Variants in SSBP2 observed in about 807,000 individuals in gnomAD.
SSBP2 encodes the protein single-stranded DNA-binding protein 2.
SSBP2 carries 17 observed loss-of-function variants against 61.8 expected under a neutral mutation model. The observed-to-expected ratio is 0.28, with a 90% CI of 0.19 to 0.41. The LOEUF (loss-of-function observed/expected upper bound fraction) is 0.41, where lower values mean the gene tolerates loss of function less well. SSBP2 is among the 10% of genes least tolerant of loss of function. The probability of loss-of-function intolerance (pLI) is 1.00; values close to 1 mark genes in which losing one functional copy is unlikely to be tolerated. For missense variants in SSBP2, 310 were observed against 458.7 expected, an observed-to-expected ratio of 0.68 and a Z score of 2.96; for synonymous variants, 139 against 141.3, an observed-to-expected ratio of 0.98 and a Z score of 0.12.
chr5:81,627,108 T>C (rs1399354659), intron 3 of SSBP2, among the ~76,000 whole-genome samples: 2 of 152,204 alleles, frequency 1.3e-5, no homozygotes, highest in African/African-American at 2.4e-5. Flanking sequence ...TATAGCGAAA[T>C]AAAAAGTTTT....
At chr5:81,721,082 G>A (rs1581417925) in intron 1 of SSBP2, among the ~76,000 whole-genome samples, 1 of 152,062 alleles carries the variant, frequency 6.6e-6, no homozygotes, top group African/African-American at 2.4e-5. Context: ...GATTTTCAGG[G>A]ATTTTTATAA....
intron 4 of SSBP2, among the ~76,000 whole-genome samples, chr5:81,566,883 G>T (rs1773461505): frequency 6.6e-6 from 1 of 152,190 alleles, no homozygotes; most frequent in African/African-American, 2.4e-5. Context: ...GGCAGCATTT[G>T]CCCTTGCCCT....
At chr5:81,564,659 A>G (rs1773293628) in intron 4 of SSBP2, among the ~76,000 whole-genome samples, 1 of 152,222 alleles carries the variant, frequency 6.6e-6, no homozygotes, top group African/African-American at 2.4e-5. Flanking sequence ...CTGATGTTTT[A>G]GCTAAAAATT....
chr5:81,700,859 T>C (rs1753933928), intron 1 of SSBP2, among the ~76,000 whole-genome samples: 1 of 152,268 alleles, frequency 6.6e-6, no homozygotes, highest in Non-Finnish European at 1.5e-5. Flanking sequence ...GATCTCCCTC[T>C]GGATTTGGCT....
intron 4 of SSBP2, among the ~76,000 whole-genome samples, chr5:81,574,024 C>T (rs960143653): frequency 6.6e-6 from 1 of 151,950 alleles, no homozygotes; most frequent in Non-Finnish European, 1.5e-5. Context: ...GCCTGTAGTC[C>T]CAGCTACTCG....
At chr5:81,594,408 C>A (rs998765483) in intron 4 of SSBP2, among the ~76,000 whole-genome samples, 33 of 152,218 alleles carry the variant, frequency 2.2e-4, no homozygotes, top group East Asian at 5.8e-4. Flanking sequence ...CTTTAACACC[C>A]CACTGTCAAC....
chr5:81,734,226 T>C (rs1338991033), intron 1 of SSBP2, among the ~76,000 whole-genome samples: 1 of 152,210 alleles, frequency 6.6e-6, no homozygotes, highest in Non-Finnish European at 1.5e-5. Flanking sequence ...TAATTTGTTG[T>C]ATTACTTACA....
At chr5:81,739,149 G>C (rs1756830771) in intron 1 of SSBP2, among the ~76,000 whole-genome samples, 1 of 111,768 alleles carries the variant, frequency 8.9e-6, no homozygotes, top group South Asian at 3.4e-4. Context: ...TGGTGACAGA[G>C]TGAGACTCCA....
intron 5 of SSBP2, among the ~76,000 whole-genome samples, chr5:81,502,514 G>A (rs1767875658): frequency 6.6e-6 from 1 of 152,136 alleles, no homozygotes; most frequent in South Asian, 2.1e-4. Flanking sequence ...ATATGCTAGT[G>A]ACTCTCAGAG....
At chr5:81,671,740 C>A (rs1751593202) in intron 1 of SSBP2, among the ~76,000 whole-genome samples, 1 of 151,826 alleles carries the variant, frequency 6.6e-6, no homozygotes, top group African/African-American at 2.4e-5. Context: ...GCTAATGGGA[C>A]AAGACATATA....
chr5:81,599,657 C>T (rs1744147172), intron 4 of SSBP2, among the ~76,000 whole-genome samples: 1 of 152,256 alleles, frequency 6.6e-6, no homozygotes, highest in Non-Finnish European at 1.5e-5. Flanking sequence ...CGTTCTTTCA[C>T]TCAACTGACT....
chr5:81,590,234 A>G (rs1775395761), intron 4 of SSBP2, among the ~76,000 whole-genome samples: 1 of 152,164 alleles, frequency 6.6e-6, no homozygotes, highest in Non-Finnish European at 1.5e-5. Flanking sequence ...CCAAAGTGGG[A>G]ATTGTGGACC....
chr5:81,506,037 G>T (rs1305487194), intron 5 of SSBP2, among the ~76,000 whole-genome samples: 1 of 152,072 alleles, frequency 6.6e-6, no homozygotes, highest in African/African-American at 2.4e-5. Context: ...AGCTTACTTA[G>T]TTATTCAAGC....
chr5:81,451,588 G>A (rs187960966), intron 10 of SSBP2, among the ~76,000 whole-genome samples: 3 of 152,006 alleles, frequency 2.0e-5, no homozygotes, highest in Non-Finnish European at 2.9e-5. Flanking sequence ...TATCACGCCC[G>A]GCTAATTTTT....
intron 4 of SSBP2, among the ~76,000 whole-genome samples, chr5:81,588,174 T>A (rs900755324): frequency 1.1e-4 from 16 of 151,942 alleles, no homozygotes; most frequent in African/African-American, 3.9e-4. Context: ...CTATGTTGCC[T>A]AGGCTGGTCT....
At chr5:81,648,764 A>C (rs1237001786) in intron 2 of SSBP2, among the ~76,000 whole-genome samples, 2 of 152,126 alleles carry the variant, frequency 1.3e-5, no homozygotes, top group Non-Finnish European at 2.9e-5. Context: ...ATTTTGATAC[A>C]GGCATATAAT....
chr5:81,575,520 A>T (rs1774149637), intron 4 of SSBP2, among the ~76,000 whole-genome samples: 1 of 152,182 alleles, frequency 6.6e-6, no homozygotes, highest in African/African-American at 2.4e-5. Flanking sequence ...TAAAAAGAAC[A>T]ATAAAAACAA....
chr5:81,517,010 A>G (rs183926893), intron 4 of SSBP2, among the ~76,000 whole-genome samples: 13 of 152,246 alleles, frequency 8.5e-5, no homozygotes, highest in African/African-American at 2.6e-4. Flanking sequence ...AGGAGAGCAA[A>G]TAGTTTAATT....
intron 4 of SSBP2, among the ~76,000 whole-genome samples, chr5:81,605,885 C>G (rs1341210519): frequency 6.6e-6 from 1 of 152,060 alleles, no homozygotes; most frequent in Non-Finnish European, 1.5e-5. Flanking sequence ...CCTAACTTTT[C>G]CCACTGGTGG....
Sources: gnomAD v4.1 joint callset for allele counts (sites outside exome capture counted in the v4.1 genomes callset) on GRCh38, gnomAD v4.1.1 for gene constraint, MANE v1.5 for transcripts, NCBI Gene and HGNC (gene_info 2026-07-23, HGNC 2026-07-21) for gene names.